Variants in FRMD4B observed in about 807,000 individuals in gnomAD.
FRMD4B encodes FERM domain-containing protein 4B.
A neutral mutation model predicts 141.5 loss-of-function variants in FRMD4B; 74 were observed. The ratio of observed to expected loss-of-function variants is 0.52; its 90% CI spans 0.43 to 0.63. FRMD4B has a LOEUF of 0.63. FRMD4B is among the 30% of genes least tolerant of loss of function. The pLI is 0.00. For missense variants in FRMD4B, 1,366 were observed against 1,253.4 expected, an observed-to-expected ratio of 1.09 and a Z score of -1.36; for synonymous variants, 506 against 467.9, an observed-to-expected ratio of 1.08 and a Z score of -1.05.
intron 1 of FRMD4B, among the ~76,000 whole-genome samples, chr3:69,534,265 C>T (rs1352139105): frequency 6.6e-6 from 1 of 152,192 alleles, no homozygotes; most frequent in Non-Finnish European, 1.5e-5. Context: ...TCTTTCTCAG[C>T]CTCATCCTAA....
intron 4 of FRMD4B, among the ~76,000 whole-genome samples, 163 bp downstream of exon 4, chr3:69,302,180 C>G (rs1701238189): frequency 6.6e-6 from 1 of 152,180 alleles, no homozygotes; most frequent in Non-Finnish European, 1.5e-5. Context: ...CAGACCAAGA[C>G]AGTAGAGAAT....
intron 1 of FRMD4B, among the ~76,000 whole-genome samples, chr3:69,485,091 C>T (rs901022098): frequency 2.0e-5 from 3 of 152,130 alleles, no homozygotes; most frequent in Non-Finnish European, 4.4e-5. Context: ...GTCCTCAACC[C>T]CCCTCAACTT....
chr3:69,357,696 A>G (rs920039095), intron 1 of FRMD4B, among the ~76,000 whole-genome samples: 2 of 152,232 alleles, frequency 1.3e-5, no homozygotes, highest in African/African-American at 4.8e-5. Context: ...TACTGAATGA[A>G]TGCCAGACGC....
intron 1 of FRMD4B, among the ~76,000 whole-genome samples, chr3:69,350,844 G>C (rs1418064037): frequency 7.6e-6 from 1 of 130,722 alleles, no homozygotes; most frequent in Non-Finnish European, 1.6e-5. Flanking sequence ...GGAGGGGGGA[G>C]GGGGGAGGGA....
At chr3:69,461,528 G>A (rs1187438069) in intron 1 of FRMD4B, among the ~76,000 whole-genome samples, 1 of 150,830 alleles carries the variant, frequency 6.6e-6, no homozygotes, top group African/African-American at 2.4e-5. Flanking sequence ...AGCAGCTGAG[G>A]TGGGAGAATC....
At chr3:69,196,519 A>T (rs1427277433) in intron 13 of FRMD4B, 123 bp from the exon 14 acceptor site, 2 of 764,050 alleles carry the variant, frequency 2.6e-6, no homozygotes, top group Admixed American at 7.3e-5. Context: ...CACATATTCA[A>T]GTGGCATTCT....
At chr3:69,366,722 T>TC (rs1036431450) in intron 1 of FRMD4B, among the ~76,000 whole-genome samples, 13 of 152,246 alleles carry the variant, frequency 8.5e-5, no homozygotes, top group Admixed American at 7.8e-4. Context: ...ACCTTTTTTT[T>TC]CAATAGTATT....
chr3:69,492,536 T>G (rs74879602), intron 1 of FRMD4B, among the ~76,000 whole-genome samples: 3 of 152,208 alleles, frequency 2.0e-5, no homozygotes, highest in Non-Finnish European at 4.4e-5. Flanking sequence ...GCATGAGATA[T>G]ATCTGATACA....
At chr3:69,473,689 G>T (rs1705932865) in intron 1 of FRMD4B, among the ~76,000 whole-genome samples, 1 of 152,110 alleles carries the variant, frequency 6.6e-6, no homozygotes, top group South Asian at 2.1e-4. Context: ...CATTCACAAT[G>T]ATTTTTAATA....
intron 22 of FRMD4B, among the ~76,000 whole-genome samples, chr3:69,172,800 G>A (rs1055910850): frequency 8.6e-5 from 13 of 152,036 alleles, no homozygotes; most frequent in African/African-American, 4.8e-5. Context: ...TTATTGTAAC[G>A]GTAGGTTAAG....
intron 1 of FRMD4B, among the ~76,000 whole-genome samples, chr3:69,515,801 G>A (rs968638361): frequency 2.0e-5 from 3 of 152,214 alleles, no homozygotes; most frequent in Non-Finnish European, 4.4e-5. Flanking sequence ...AAAATATAAC[G>A]CCGAAATAAG....
Position 69,216,229 on chromosome 3 carries a change from A to G in FRMD4B, c.876+34T>C. On this transcript the variant is annotated intron_variant, in intron 11 of 22. Coordinates refer to ENST00000398540, the MANE Select transcript of FRMD4B (RefSeq NM_015123.3). The stretch of plus-strand genomic sequence containing the variant: ...ATGTTGTGATTAACATGTTTTGAAC[A>G]GTTCAAAGTTCTCCTAAAGTGATCC... 2.9e-6 allele frequency: 3 copies of G among 1,038,590 alleles called. No individual in the cohort carries two copies. In the South Asian group the frequency reaches 4.1e-5, roughly 14 times the overall value. 64.3% of individuals were successfully genotyped at this position (1,038,590 alleles called of 1,614,324 possible).
chr3:69,169,616 C>T lies in FRMD4B; in HGVS notation c.*2245G>A, dbSNP rs1236135205. On this transcript the variant is annotated 3_prime_UTR_variant, in exon 23 of 23. Transcript: ENST00000398540. ...AAGCAATCCTCCCACTTCGGCCTCC[C>T]AAAGTGCTGGGATTACAGGTGTGAG... Among the ~76,000 whole-genome samples, 3 of 152,102 alleles carry T rather than the reference C, an allele frequency of 2.0e-5. No homozygotes were observed. The highest frequency in any genetic ancestry group is 2.0e-4 in the Admixed American group (3 of 15,268).
At chr3:69,313,025 T>C (rs9867480) in intron 2 of FRMD4B, among the ~76,000 whole-genome samples, 46,148 of 152,154 alleles carry the variant, frequency 0.3, 8,579 homozygotes, top group African/African-American at 0.52. Context: ...TCACAGCTAA[T>C]GAAACTGGGT....
intron 19 of FRMD4B, among the ~76,000 whole-genome samples, chr3:69,183,827 CT>C (rs2092736558): frequency 6.6e-6 from 1 of 151,680 alleles, no homozygotes; most frequent in African/African-American, 2.4e-5. Flanking sequence ...TCAAATTTTA[CT>C]TACTACAAAA....
intron 5 of FRMD4B, among the ~76,000 whole-genome samples, chr3:69,268,722 C>T (rs2093580177): frequency 6.6e-6 from 1 of 151,800 alleles, no homozygotes; most frequent in African/African-American, 2.4e-5. Flanking sequence ...TAAAGAAGCC[C>T]TGGTAAAGTA....
At chr3:69,381,420 G>A (rs934540351) in intron 1 of FRMD4B, among the ~76,000 whole-genome samples, 3 of 152,166 alleles carry the variant, frequency 2.0e-5, no homozygotes, top group Non-Finnish European at 4.4e-5. Context: ...TTCATGTAAT[G>A]GATACCTCCC....
rs1247847209 is a variant in FRMD4B, at chr3:69,536,504, C to A, written c.-129+5702G>T. 7.2e-6 allele frequency: 5 copies of A among 697,630 alleles called. No homozygotes were observed. In the Admixed American group the frequency reaches 8.2e-5, roughly 11 times the overall value. The allele number at this position is 697,630 out of a possible 1,614,324, so 43.2% of individuals were successfully genotyped here. On this transcript the variant is annotated intron_variant, in intron 1 of 5. Coordinates refer to the FRMD4B transcript ENST00000459638. ...GCCAACGTGCCCTAGCGCTACTCCC[C>A]AGCCTGCAGCGCCTCTACCACCGTG... is the stretch of plus-strand genomic sequence containing the variant.
chr3:69,451,117 G>GC (rs1472628469), intron 1 of FRMD4B, among the ~76,000 whole-genome samples: 36 of 152,298 alleles, frequency 2.4e-4, no homozygotes, highest in Admixed American at 1.1e-3. Flanking sequence ...CCAGGAACCA[G>GC]CAGGGCCCCA....
Sources: allele counts gnomAD v4.1 joint callset (sites outside exome capture counted in the v4.1 genomes callset), GRCh38; gene constraint gnomAD v4.1.1; transcripts MANE v1.5; gene names NCBI Gene and HGNC (gene_info 2026-07-23, HGNC 2026-07-21).